The following ABHD18 variants were observed in gnomAD, a reference collection of about 807,000 sequenced individuals.
ABHD18 encodes the protein cardiolipin-specific deacylase, mitochondrial.
ABHD18 carries 55 observed loss-of-function variants against 65.9 expected under a neutral mutation model. The observed-to-expected ratio is 0.84, with a 90% CI of 0.67 to 1.05. The LOEUF is 1.05. Ranked by LOEUF, ABHD18 falls within the 50% of genes least tolerant of loss-of-function variation. ABHD18 has a pLI of 0.00. For synonymous variants in ABHD18, 181 were observed against 180.2 expected, an observed-to-expected ratio of 1.00 and a Z score of -0.04; for missense variants, 533 against 558.5, an observed-to-expected ratio of 0.95 and a Z score of 0.46.
In ABHD18 at chr4:128,020,468, G is replaced by A. The variant is rs575029162; in HGVS notation, c.699+299G>A. Among the ~76,000 whole-genome samples the A allele has an allele frequency of 4.6e-5, 7 of 152,284 alleles. No homozygotes were observed. The South Asian group carries it at 1.5e-3, about 32-fold the overall frequency. On this transcript the variant is annotated intron_variant, in intron 9 of 12. Coordinates refer to ENST00000645843, the MANE Select transcript of ABHD18 (RefSeq NM_001358451.3). ...CCAACAATAATTATTGACAATAAGT[G>A]CAAAGTGCTGTCCATCAGTGAAGCT... is the stretch of plus-strand genomic sequence containing the variant.
At chr4:128,022,950 T>C (rs1376675194) in intron 10 of ABHD18, among the ~76,000 whole-genome samples, 1 of 151,996 alleles carries the variant, frequency 6.6e-6, no homozygotes, top group Non-Finnish European at 1.5e-5. Flanking sequence ...TTTGTATTTT[T>C]AGTAGAGATG....
At chr4:128,025,707 A>G (rs995180951) in intron 10 of ABHD18, among the ~76,000 whole-genome samples, 2 of 152,194 alleles carry the variant, frequency 1.3e-5, no homozygotes, top group Non-Finnish European at 2.9e-5. Context: ...TGGTTATGTC[A>G]GTTTACACCA....
chr4:128,008,298 G>A (rs1247217868), intron 4 of ABHD18, among the ~76,000 whole-genome samples: 1 of 129,986 alleles, frequency 7.7e-6, no homozygotes, highest in East Asian at 2.4e-4. Flanking sequence ...TTGAGACGGA[G>A]TCTCGCTCTG....
chr4:128,008,742 T>C (rs891421720), intron 4 of ABHD18, among the ~76,000 whole-genome samples, 178 bp from the exon 5 acceptor site: 6 of 152,198 alleles, frequency 3.9e-5, no homozygotes, highest in African/African-American at 1.4e-4. Context: ...GAAAGCAGAT[T>C]TACAATATCT....
chr4:128,035,544 C>T (rs548299270), intron 12 of ABHD18, among the ~76,000 whole-genome samples: 3 of 152,178 alleles, frequency 2.0e-5, no homozygotes, highest in Admixed American at 2.0e-4. Flanking sequence ...TGCAGTCCAG[C>T]CTGGGCGACA....
chr4:128,021,354 T>G, intron 10 of ABHD18, 116 bp downstream of exon 10: 1 of 629,882 alleles, frequency 1.6e-6, no homozygotes, highest in Non-Finnish European at 2.7e-6. Context: ...TACATACTAT[T>G]TTTTACTTTA....
intron 1 of ABHD18, among the ~76,000 whole-genome samples, chr4:127,969,930 G>A (rs1163807644): frequency 6.6e-6 from 1 of 151,920 alleles, no homozygotes; most frequent in Non-Finnish European, 1.5e-5. Flanking sequence ...AAATTTTTTT[G>A]TAGAGACAGG....
chr4:127,980,305 T>G (rs1366382197), intron 1 of ABHD18, among the ~76,000 whole-genome samples: 1 of 152,192 alleles, frequency 6.6e-6, no homozygotes, highest in Non-Finnish European at 1.5e-5. Context: ...AAGAAGGTCC[T>G]CACCAAATGT....
rs1758140702 is a variant in ABHD18, at chr4:128,031,110, T to C, written c.1343+438T>C. The C allele has an allele frequency of 5.1e-6, 5 of 989,378 alleles. No individual in the cohort carries two copies. The South Asian group carries it at 2.3e-4, about 46-fold the overall frequency. The allele number at this position is 989,378 out of a possible 1,614,324, so 61.3% of individuals were successfully genotyped here. ...ATTGAACCTTAAATAAGAAGTGCTT[T>C]TAATGTGAACAACCTTATATGACTC... On this transcript the variant is annotated intron_variant, in intron 12 of 12. Transcript: ENST00000645843.
At chr4:127,991,718 C>G (rs1164160843) in intron 4 of ABHD18, among the ~76,000 whole-genome samples, 1 of 152,070 alleles carries the variant, frequency 6.6e-6, no homozygotes, top group African/African-American at 2.4e-5. Flanking sequence ...AAGATTTTGT[C>G]TGCAATAGCA....
intron 7 of ABHD18, among the ~76,000 whole-genome samples, chr4:128,013,646 C>G (rs1754962396): frequency 6.6e-6 from 1 of 151,178 alleles, no homozygotes; most frequent in Admixed American, 6.6e-5. Context: ...TACAGTGAGC[C>G]GAGATTGCGC....
At chr4:128,012,925 G>T (rs191134572) in intron 7 of ABHD18, among the ~76,000 whole-genome samples, 3 of 151,680 alleles carry the variant, frequency 2.0e-5, no homozygotes, top group African/African-American at 7.3e-5. Context: ...AATTAGCCAG[G>T]CATGGTGGTA....
intron 7 of ABHD18, among the ~76,000 whole-genome samples, chr4:128,014,202 C>A (rs537827741): frequency 6.6e-6 from 1 of 151,954 alleles, no homozygotes; most frequent in African/African-American, 2.4e-5. Flanking sequence ...AGGCTGGTCT[C>A]GAACTCCCGA....
intron 1 of ABHD18, among the ~76,000 whole-genome samples, chr4:127,966,469 C>T (rs1745410322): frequency 6.6e-6 from 1 of 152,002 alleles, no homozygotes; most frequent in Non-Finnish European, 1.5e-5. Context: ...ACTAGTTACA[C>T]AGTCATGTAT....
intron 7 of ABHD18, among the ~76,000 whole-genome samples, chr4:128,012,863 C>T (rs1223724120): frequency 6.6e-6 from 1 of 151,406 alleles, no homozygotes; most frequent in Non-Finnish European, 1.5e-5. Flanking sequence ...GTCAGTAGTT[C>T]GAGACCAGCC....
rs531105832 is a variant in ABHD18 at position 128,016,774 on chromosome 4, C to G, written c.471-589C>G. Among the ~76,000 whole-genome samples the G allele has an allele frequency of 8.5e-5, 13 of 152,266 alleles. No individual in the cohort carries two copies. In the South Asian group the frequency reaches 2.5e-3, roughly 29 times the overall value. On this transcript the variant is annotated intron_variant, in intron 7 of 12. Transcript: ENST00000645843. Reference sequence around the variant, plus strand: ...CCTGGGCAACAGAGCAAGACTCCGTCTCAAAGAAAAATAAAAAGTTATGCT... The same window carrying G: ...CCTGGGCAACAGAGCAAGACTCCGTGTCAAAGAAAAATAAAAAGTTATGCT...
In ABHD18 at chr4:128,013,672, C is replaced by T. The variant is rs984368552; in HGVS notation, c.470+1972C>T. 1.9e-3 allele frequency among the ~76,000 whole-genome samples: 284 copies of T among 150,372 alleles called. 1 individual carries two copies. Among genetic ancestry groups the T allele is most frequent in the African/African-American group, 6.8e-3 (278 of 40,878 alleles). On this transcript the variant is annotated intron_variant, in intron 7 of 12. Coordinates refer to ENST00000645843, the MANE Select transcript of ABHD18 (RefSeq NM_001358451.3). ...GAGATTGCGCCACTGCACTCCAGCC[C>T]GGGCGACAGAGCGAGACTCCGTCTC...
rs1560849752 is a variant in ABHD18 at position 127,989,850 on chromosome 4, A to G, written c.278+29A>G. On this transcript the variant is annotated intron_variant, in intron 4 of 12. Transcript: ENST00000645843. ...AGAATTTTTTTGTTCAAAAAGATGA[A>G]TACATTATTTATGTTCATTAAAATT... 3 of 1,339,640 alleles carry G rather than the reference A, an allele frequency of 2.2e-6. 1 individual carries two copies. In the South Asian group the frequency reaches 4.1e-5, roughly 18 times the overall value. The allele number at this position is 1,339,640 out of a possible 1,614,324, so 83.0% of individuals were successfully genotyped here. A position where few individuals can be genotyped will look rare whatever the true frequency, so the allele number is the denominator to read the frequency against.
At chr4:127,992,340 TG>T (rs1208905768) in intron 4 of ABHD18, among the ~76,000 whole-genome samples, 1 of 151,982 alleles carries the variant, frequency 6.6e-6, no homozygotes, top group African/African-American at 2.4e-5. Flanking sequence ...CCAGGCATGG[TG>T]GCAGACATCT....
Sources: allele counts gnomAD v4.1 joint callset (sites outside exome capture counted in the v4.1 genomes callset), GRCh38; gene constraint gnomAD v4.1.1; transcripts MANE v1.5; gene names NCBI Gene and HGNC (gene_info 2026-07-23, HGNC 2026-07-21).